The following FCER2 variants were observed in gnomAD, a reference collection of about 807,000 sequenced individuals.
The protein encoded by FCER2 is Fc epsilon receptor II, also known as low affinity immunoglobulin epsilon Fc receptor.
Under a neutral mutation model 49.7 loss-of-function variants are expected in FCER2, and 38 were observed. The observed-to-expected ratio is 0.76, with a 90% confidence interval of 0.59 to 1.00. The LOEUF (loss-of-function observed/expected upper bound fraction) is 1.00. Among genes scored for constraint, FCER2 ranks in the 50% least tolerant of loss-of-function variants. FCER2 has a pLI of 0.00. For missense variants in FCER2, 425 were observed against 419.5 expected, an observed-to-expected ratio of 1.01 and a Z score of -0.11; for synonymous variants, 163 against 164.6, an observed-to-expected ratio of 0.99 and a Z score of 0.07.
In FCER2 at chr19:7,697,249, T is replaced by C; in HGVS notation, c.303A>G (p.Arg101=). Residue 101 remains arginine, a synonymous_variant, in exon 6 of 11, where the codon AGA becomes AGG. Coordinates refer to ENST00000597921, the MANE Select transcript of FCER2 (RefSeq NM_001220500.2). ...CCAGTCTCTCACCCTGAGATTTCAA[T>C]CTCTGCTGTTCAGCTCGAAGTTCCT... ...ELEELRAEQQ[R]LKSQDLELSW... is the part of the protein sequence containing the mutation. 6.2e-7 allele frequency: 1 copy of C among 1,614,138 alleles called. No homozygotes were observed. Among genetic ancestry groups the C allele is most frequent in the Non-Finnish European group, 8.5e-7 (1 of 1,180,022 alleles).
At position 7,699,957 on chromosome 19, in the gene FCER2, T is replaced by A. The variant is rs2033118876; in HGVS notation, c.-85-112A>T. The A allele has an allele frequency of 7.9e-6, 5 of 633,916 alleles. No homozygotes were observed. In the East Asian group the frequency reaches 1.4e-4, roughly 17 times the overall value. The allele number at this position is 633,916 out of a possible 1,614,324, so 39.3% of individuals were successfully genotyped here. A position where few individuals can be genotyped will look rare whatever the true frequency, so the allele number is the denominator to read the frequency against. On this transcript the variant is annotated intron_variant, in intron 1 of 10. Transcript: ENST00000597921. The stretch of plus-strand genomic sequence containing the variant: ...GGGGCCATTTGCTGATTTTGTTTAG[T>A]CTACAATCTGGACTCACTAGCGTGG...
Position 7,696,701 on chromosome 19 carries a change from C to T in FCER2, c.469+124G>A, listed in dbSNP as rs532177756. On this transcript the variant is annotated intron_variant, in intron 8 of 10. Transcript: ENST00000597921. The stretch of plus-strand genomic sequence containing the variant: ...ATATCTTTGTGTCCTCCCGATGACA[C>T]TCGGGTCACACAAACGTATAGACAT... 8.6e-4 allele frequency: 609 copies of T among 704,938 alleles called. 2 individuals are homozygous for T. Among genetic ancestry groups the T allele is most frequent in the Non-Finnish European group, 1.2e-3 (508 of 411,788 alleles). The allele number at this position is 704,938 out of a possible 1,614,324, so 43.7% of individuals were successfully genotyped here.
chr19:7,698,658 C>T (rs1239817948), intron 3 of FCER2, 83 bp downstream of exon 3: 2 of 1,546,108 alleles, frequency 1.3e-6, no homozygotes, highest in Non-Finnish European at 1.7e-6. Context: ...TGGGCTCCCC[C>T]AGCTCTGAGA....
chr19:7,690,978 C>T (rs151202523), intron 8 of FCER2, among the ~76,000 whole-genome samples: 5 of 152,104 alleles, frequency 3.3e-5, no homozygotes, highest in Admixed American at 6.5e-5. Context: ...AGACACCTCA[C>T]GGCTAGAGGT....
At chr19:7,696,397 A>C (rs1052770131) in intron 8 of FCER2, among the ~76,000 whole-genome samples, 1 of 151,596 alleles carries the variant, frequency 6.6e-6, no homozygotes, top group African/African-American at 2.4e-5. Context: ...CACCGCGTCC[A>C]GCTAATTTTT....
At position 7,689,388 on chromosome 19, in the gene FCER2, C is replaced by G. The variant is rs1202644889; in HGVS notation, c.771G>C (p.Glu257Asp). Residue 257 changes from glutamate to aspartate, a missense_variant, in exon 11 of 11, where the codon GAG becomes GAC. By Grantham distance (45) the Glu-to-Asp change is conservative. Coordinates refer to ENST00000597921, the MANE Select transcript of FCER2 (RefSeq NM_001220500.2). The stretch of plus-strand genomic sequence containing the variant: ...CGGAGCCCCGCATCATCACGCAGTC[C>G]TCGCCCTGGCTCCGGCTGGTGGGCT... ...PGEPTSRSQG[E>D]DCVMMRGSGR... 2 of 1,605,030 alleles carry G rather than the reference C, an allele frequency of 1.2e-6. No homozygotes were observed. Among genetic ancestry groups the G allele is most frequent in the Non-Finnish European group, 1.7e-6 (2 of 1,175,752 alleles).
rs57836279 is a variant in FCER2 at position 7,696,631 on chromosome 19, G to A, written c.469+194C>T. 2,761 of 592,026 alleles carry A rather than the reference G, an allele frequency of 4.7e-3. 45 individuals are homozygous for A. Among genetic ancestry groups the A allele is most frequent in the African/African-American group, 0.045 (2,397 of 53,756 alleles). The allele number at this position is 592,026 out of a possible 1,614,324, so 36.7% of individuals were successfully genotyped here. On this transcript the variant is annotated intron_variant, in intron 8 of 10. Coordinates refer to ENST00000597921, the MANE Select transcript of FCER2 (RefSeq NM_001220500.2). The stretch of plus-strand genomic sequence containing the variant: ...AACTTAGTCCTATTTCCGTCATCAC[G>A]CACACCTCTGCCTCGCATCCAAGCA...
At chr19:7,697,861 C>T (rs938971065) in intron 4 of FCER2, among the ~76,000 whole-genome samples, 4 of 152,172 alleles carry the variant, frequency 2.6e-5, no homozygotes, top group East Asian at 1.9e-4. Context: ...TTCTGTCTCA[C>T]GGCACTAAAA....
chr19:7,699,031 G>A (rs10415518), intron 2 of FCER2, among the ~76,000 whole-genome samples, 177 bp from the exon 3 acceptor site: 60,935 of 151,646 alleles, frequency 0.4, 12,431 homozygotes, highest in East Asian at 0.49. Flanking sequence ...CCTGACTCAG[G>A]GCTGGGTCAC....
intron 1 of FCER2, among the ~76,000 whole-genome samples, chr19:7,701,648 G>C (rs1568492511): frequency 6.6e-6 from 1 of 152,032 alleles, no homozygotes; most frequent in African/African-American, 2.4e-5. Flanking sequence ...CTCATGGTGG[G>C]GTGTCTACTG....
chr19:7,697,293 G>C lies in FCER2; in HGVS notation c.259C>G (p.Gln87Glu). The part of the protein sequence containing the change: ...DQMAQKSQST[Q>E]ISQELEELRA... ...AGTTCCTCCAGTTCCTGTGAAATCT[G>C]CGTGGCTGTTTGCAGGGGAGGGGGC... The change falls in exon 6 of 11, where the codon CAG becomes GAG. Residue 87 changes from glutamine (Q) to glutamate (E), a missense_variant. By Grantham distance (29) the Gln-to-Glu change is conservative. Coordinates refer to ENST00000597921, the MANE Select transcript of FCER2 (RefSeq NM_001220500.2). The C allele has an allele frequency of 1.2e-6, 2 of 1,614,104 alleles. No individual in the cohort carries two copies. The highest frequency in any genetic ancestry group is 1.7e-6 in the Non-Finnish European group (2 of 1,179,992).
At chr19:7,698,459 C>T (rs2146281265) in intron 3 of FCER2, 50 bp from the exon 4 acceptor site, 4 of 1,438,772 alleles carry the variant, frequency 2.8e-6, no homozygotes, top group Non-Finnish European at 3.9e-6. Context: ...GTCAGTGCCC[C>T]CACCTGCCTG....
At chr19:7,695,695 T>A (rs2032991858) in intron 8 of FCER2, among the ~76,000 whole-genome samples, 1 of 152,138 alleles carries the variant, frequency 6.6e-6, no homozygotes, top group Non-Finnish European at 1.5e-5. Context: ...GGCGGAATGA[T>A]CGCTGGAGTC....
At chr19:7,698,707 TG>T in intron 3 of FCER2, 33 bp downstream of exon 3, 5 of 1,605,114 alleles carry the variant, frequency 3.1e-6, no homozygotes, top group Non-Finnish European at 4.2e-6. Context: ...CCCCATGAGT[TG>T]GGGGGACCAC....
Position 7,691,966 on chromosome 19 carries a change from A to AAC in FCER2, c.470-1410_470-1409insGT. Among the ~76,000 whole-genome samples, 2 of 68,020 alleles carry AAC rather than the reference A, an allele frequency of 2.9e-5. 1 individual carries two copies. The highest frequency in any genetic ancestry group is 1.9e-4 in the African/African-American group (2 of 10,384). 44.6% of individuals were successfully genotyped at this position (68,020 alleles called of 152,430 possible). The stretch of plus-strand genomic sequence containing the variant: ...CACATCAACTACCAACACCATTGTC[A>AAC]CACATTCACATTCACGTCCATCAAC... On this transcript the variant is annotated intron_variant, in intron 8 of 10. Coordinates refer to ENST00000597921, the MANE Select transcript of FCER2 (RefSeq NM_001220500.2).
chr19:7,695,589 A>G (rs994509208), intron 8 of FCER2, among the ~76,000 whole-genome samples: 8 of 151,778 alleles, frequency 5.3e-5, no homozygotes, highest in Admixed American at 1.3e-4. Flanking sequence ...CAGCCTGGGC[A>G]ACATAGCGAG....
In FCER2 at chr19:7,697,700, T is replaced by C. The variant is rs150611868; in HGVS notation, c.191-111A>G. On this transcript the variant is annotated intron_variant, in intron 4 of 10. Transcript: ENST00000597921. The stretch of plus-strand genomic sequence containing the variant: ...CTCACATAGTCACAACAGCTGCTGT[T>C]GCTGTTTGTTCATTTACTGGAGCAG... The C allele has an allele frequency of 6.6e-5, 54 of 813,628 alleles. No individual in the cohort carries two copies. In the East Asian group the frequency reaches 1.1e-3, roughly 17 times the overall value. 50.4% of individuals were successfully genotyped at this position (813,628 alleles called of 1,614,324 possible).
In FCER2 at chr19:7,699,804, CTG is replaced by C. The variant is rs1194889539; in HGVS notation, c.-46_-45del. 6.2e-7 allele frequency: 1 copy of C among 1,602,264 alleles called. No individual in the cohort carries two copies. Among genetic ancestry groups the C allele is most frequent in the East Asian group, 2.2e-5 (1 of 44,830 alleles). The stretch of plus-strand genomic sequence containing the variant: ...CTCCCGATGATGGAGCACTCACTCC[CTG>C]ACAACGCAGTCCACTCAGCGGGCAC... On this transcript the variant is annotated 5_prime_UTR_variant, in exon 2 of 11. Transcript: ENST00000597921.
At chr19:7,700,365 G>A (rs778830323) in intron 1 of FCER2, among the ~76,000 whole-genome samples, 3 of 152,100 alleles carry the variant, frequency 2.0e-5, no homozygotes, top group African/African-American at 4.8e-5. Flanking sequence ...GCCGGGCTGC[G>A]CACAGTGGGT....
Sources: allele counts gnomAD v4.1 joint callset (sites outside exome capture counted in the v4.1 genomes callset), GRCh38; gene constraint gnomAD v4.1.1; transcripts MANE v1.5; gene names NCBI Gene and HGNC (gene_info 2026-07-23, HGNC 2026-07-21).